Variants in FAF1 observed in about 807,000 individuals in gnomAD.
FAF1 encodes the protein FAS-associated factor 1.
A neutral mutation model predicts 92.5 loss-of-function variants in FAF1; 25 were observed. That is an observed-to-expected ratio of 0.27 (90% CI 0.20 to 0.38). The LOEUF is 0.38. Among genes scored for constraint, FAF1 ranks in the 10% least tolerant of loss-of-function variants. FAF1 has a pLI of 1.00. For missense variants in FAF1, 636 were observed against 793.3 expected (o/e 0.80, Z 2.38); for synonymous variants, 234 against 273.2 (o/e 0.86, Z 1.42).
chr1:50,574,320 A>G (rs1650608847), intron 12 of FAF1, among the ~76,000 whole-genome samples: 1 of 152,222 alleles, frequency 6.6e-6, no homozygotes. Context: ...CTCTTACAGC[A>G]AGTTACAGAG....
At chr1:50,947,672 G>C (rs1394300524) in intron 1 of FAF1, among the ~76,000 whole-genome samples, 2 of 152,174 alleles carry the variant, frequency 1.3e-5, no homozygotes, top group African/African-American at 4.8e-5. Flanking sequence ...TGGCCTCAAG[G>C]CCTATATTTT....
intron 12 of FAF1, among the ~76,000 whole-genome samples, chr1:50,580,144 C>T (rs1261686028): frequency 1.3e-4 from 20 of 151,938 alleles, no homozygotes; most frequent in Admixed American, 1.3e-3. Context: ...AGCTTAACTG[C>T]TAAAAACTAT....
intron 7 of FAF1, among the ~76,000 whole-genome samples, chr1:50,691,026 T>C (rs1228167266): frequency 6.6e-6 from 1 of 152,246 alleles, no homozygotes; most frequent in African/African-American, 2.4e-5. Context: ...CCATCTCCTA[T>C]AAACATTCAC....
rs966249169 is a variant in FAF1 at position 50,862,993 on chromosome 1, C to G, written c.46-4996G>C. On this transcript the variant is annotated intron_variant, in intron 1 of 18. Coordinates refer to ENST00000396153, the MANE Select transcript of FAF1 (RefSeq NM_007051.3). ...TCAACAAAGAAACAATGAACTTAAACTATACCCTAGAACAAATGGACTTAA... is the reference window on the plus strand; with the variant it reads ...TCAACAAAGAAACAATGAACTTAAAGTATACCCTAGAACAAATGGACTTAA... Among the ~76,000 whole-genome samples, 15 of 152,038 alleles carry G rather than the reference C, an allele frequency of 9.9e-5. 1 individual carries two copies. The South Asian group carries it at 2.9e-3, about 29-fold the overall frequency.
At chr1:50,927,783 G>A (rs535765520) in intron 1 of FAF1, among the ~76,000 whole-genome samples, 6 of 152,182 alleles carry the variant, frequency 3.9e-5, no homozygotes, top group South Asian at 2.1e-4. Flanking sequence ...AGCAGTTTGC[G>A]TGTCTTCTGG....
chr1:50,445,248 T>G (rs1646214930), intron 18 of FAF1, among the ~76,000 whole-genome samples: 2 of 152,162 alleles, frequency 1.3e-5, no homozygotes, highest in African/African-American at 4.8e-5. Flanking sequence ...ACCTTCCCGC[T>G]GAGTCCCCAA....
At chr1:50,531,680 G>A (rs1434715925) in intron 15 of FAF1, among the ~76,000 whole-genome samples, 28 of 152,152 alleles carry the variant, frequency 1.8e-4, no homozygotes. Flanking sequence ...AAATGTCTAA[G>A]AGAGAAAGCT....
chr1:50,826,975 TGCCCGGCC>T (rs1644105127), intron 2 of FAF1, among the ~76,000 whole-genome samples: 1 of 149,510 alleles, frequency 6.7e-6, no homozygotes, highest in African/African-American at 2.5e-5. Flanking sequence ...GGAGTGCCTC[TGCCCGGCC>T]GCCCATCGTC....
chr1:50,950,134 C>T (rs1370298932), intron 1 of FAF1, among the ~76,000 whole-genome samples: 1 of 152,190 alleles, frequency 6.6e-6, no homozygotes, highest in East Asian at 1.9e-4. Flanking sequence ...GCCACCACAC[C>T]TGTCCCAGAT....
intron 18 of FAF1, among the ~76,000 whole-genome samples, chr1:50,467,814 TTGAG>T (rs1428166548): frequency 6.6e-6 from 1 of 152,162 alleles, no homozygotes; most frequent in Non-Finnish European, 1.5e-5. Flanking sequence ...AAAGCAGGGA[TTGAG>T]TATTTTAAAC....
chr1:50,559,715 T>C lies in FAF1; in HGVS notation c.1268+7362A>G, dbSNP rs540255648. On this transcript the variant is annotated intron_variant, in intron 13 of 18. Transcript: ENST00000396153. ...AAAAGGAGAAAATGAGTGGGTAGGA[T>C]GTAATCATGGAACAGGAGGGGTTCC... 2.6e-5 allele frequency among the ~76,000 whole-genome samples: 4 copies of C among 152,256 alleles called. No homozygotes were observed. In the South Asian group the frequency reaches 8.3e-4, roughly 32 times the overall value.
rs186990572 is a variant in FAF1 at position 50,819,753 on chromosome 1, A to G, written c.115-18076T>C. ...TACATATATATACATATATATATAC[A>G]TATATATATACGTATATATATATAC... is the stretch of plus-strand genomic sequence containing the variant. On this transcript the variant is annotated intron_variant, in intron 2 of 18. Transcript: ENST00000396153. 2.2e-3 allele frequency among the ~76,000 whole-genome samples: 159 copies of G among 73,468 alleles called. 13 individuals are homozygous for G. Among genetic ancestry groups the G allele is most frequent in the African/African-American group, 7.7e-3 (122 of 15,800 alleles). The allele number at this position is 73,468 out of a possible 152,430, so 48.2% of individuals were successfully genotyped here.
intron 1 of FAF1, among the ~76,000 whole-genome samples, chr1:50,897,716 T>C (rs533743517): frequency 2.0e-5 from 3 of 152,338 alleles, no homozygotes; most frequent in African/African-American, 7.2e-5. Context: ...ATCCATACCA[T>C]TCAACTCTAT....
At chr1:50,585,173 G>A (rs1270876141) in intron 9 of FAF1, among the ~76,000 whole-genome samples, 2 of 152,164 alleles carry the variant, frequency 1.3e-5, no homozygotes, top group African/African-American at 2.4e-5. Context: ...CTCTCAAAAA[G>A]CTCACATTAA....
In FAF1 at chr1:50,693,997, CATTAT is replaced by C. The variant is rs1657058418; in HGVS notation, c.657+11784_657+11788del. 2.6e-5 allele frequency among the ~76,000 whole-genome samples: 3 copies of C among 116,918 alleles called. No homozygotes were observed. The South Asian group carries it at 7.2e-4, about 28-fold the overall frequency. 76.7% of individuals were successfully genotyped at this position (116,918 alleles called of 152,430 possible). On this transcript the variant is annotated intron_variant, in intron 7 of 18. Coordinates refer to ENST00000396153, the MANE Select transcript of FAF1 (RefSeq NM_007051.3). Reference sequence around the variant, plus strand: ...CAAAGTGATCTATATGTATATGTGTCATTATATATATACATGACATATATGACATA... The same window carrying C: ...CAAAGTGATCTATATGTATATGTGTCATATATACATGACATATATGACATA...
chr1:50,649,158 T>A (rs1654742124), intron 8 of FAF1, among the ~76,000 whole-genome samples: 1 of 151,804 alleles, frequency 6.6e-6, no homozygotes, highest in African/African-American at 2.4e-5. Flanking sequence ...TTATTCATTT[T>A]AATTTTTTTT....
At chr1:50,586,414 T>C (rs962224806) in intron 9 of FAF1, among the ~76,000 whole-genome samples, 4 of 152,178 alleles carry the variant, frequency 2.6e-5, no homozygotes, top group Admixed American at 2.0e-4. Context: ...AAAGTCAAGA[T>C]GTTTCTCATT....
chr1:50,952,382 T>C (rs1041247590), intron 1 of FAF1, among the ~76,000 whole-genome samples: 4 of 152,214 alleles, frequency 2.6e-5, no homozygotes, highest in Non-Finnish European at 4.4e-5. Flanking sequence ...GGTGTCAAGA[T>C]TGCAGACGGA....
chr1:50,695,922 T>A (rs1241305371), intron 7 of FAF1, among the ~76,000 whole-genome samples: 4 of 151,814 alleles, frequency 2.6e-5, no homozygotes, highest in Non-Finnish European at 4.4e-5. Context: ...GTACTGGGAT[T>A]ACAGGCGTGA....
Sources: gnomAD v4.1 joint callset for allele counts (sites outside exome capture counted in the v4.1 genomes callset) on GRCh38, gnomAD v4.1.1 for gene constraint, MANE v1.5 for transcripts, NCBI Gene and HGNC (gene_info 2026-07-23, HGNC 2026-07-21) for gene names.